ZNF518B: variants seen among roughly 807,000 people sequenced by gnomAD.
ZNF518B encodes the protein zinc finger protein 518B.
Under a neutral mutation model 56.3 loss-of-function variants are expected in ZNF518B, and 23 were observed. The ratio of observed to expected loss-of-function variants is 0.41; its 90% CI spans 0.29 to 0.58. The LOEUF (loss-of-function observed/expected upper bound fraction) is 0.58. Ranked by LOEUF, ZNF518B falls within the 20% of genes least tolerant of loss-of-function variation. The pLI is 0.32. For synonymous variants in ZNF518B, 529 were observed against 465.9 expected, an observed-to-expected ratio of 1.14 and a Z score of -1.74; for missense variants, 1,460 against 1,272.1, an observed-to-expected ratio of 1.15 and a Z score of -2.25.
Position 10,445,591 on chromosome 4 carries a change from G to T in ZNF518B, c.738C>A (p.Ser246=), listed in dbSNP as rs1259008166. 1 of 1,614,016 alleles carries T rather than the reference G, an allele frequency of 6.2e-7. No homozygotes were observed. The highest frequency in any genetic ancestry group is 2.2e-5 in the East Asian group (1 of 44,904). ...TATTTTGAAATGTAGTCCGTGGATT[G>T]GAAGCTTTTAGAAGCTCTGGGTTTT... ...SKQNPELLKA[S]NPRTTFQNKW... is the part of the protein sequence containing the mutation. Residue 246 remains serine (S), a synonymous_variant, in exon 3 of 3, where the codon TCC becomes TCA. Transcript: ENST00000326756.
rs1353937834 is a variant in ZNF518B at position 10,445,919 on chromosome 4, C to T, written c.410G>A (p.Cys137Tyr). Residue 137 changes from cysteine (C) to tyrosine (Y), a missense_variant, in exon 3 of 3, where the codon TGT (cysteine) becomes TAT (tyrosine). Transcript: ENST00000326756. ...CTTTGTAGAGAATCGACATTTATCA[C>T]AATAGTATTTGCCTGGCTTAAAGTT... ...VRNFKPGKYY[C>Y]DKCRFSTKDP... 30 of 1,614,112 alleles carry T rather than the reference C, an allele frequency of 1.9e-5. No homozygotes were observed. Among genetic ancestry groups the T allele is most frequent in the Non-Finnish European group, 2.4e-5 (28 of 1,180,058 alleles).
chr4:10,453,157 T>C (rs1054280399), intron 2 of ZNF518B: 1 of 152,248 alleles, frequency 6.6e-6, no homozygotes. Flanking sequence ...ACAGCTGATG[T>C]GAGGACAAAT....
chr4:10,456,950 G>A (rs1471162805), intron 1 of ZNF518B, among the ~76,000 whole-genome samples: 2 of 150,922 alleles, frequency 1.3e-5, no homozygotes, highest in Non-Finnish European at 3.0e-5. Flanking sequence ...CCCCGCCTCG[G>A]TCGCCCCGGC....
At chr4:10,451,151 C>G (rs1447757665) in intron 2 of ZNF518B, 1 of 152,010 alleles carries the variant, frequency 6.6e-6, no homozygotes, top group African/African-American at 2.4e-5. Context: ...GCTCACTTGC[C>G]CTGTTTTCTT....
rs1360281216 is a variant in ZNF518B at position 10,443,584 on chromosome 4, T to G, written c.2745A>C (p.Ser915=). ...TTAGTTGCCTTGCAACCTGAAAAAT[T>G]GAAGGATCCTTGAGACAGCGGCTAG... The part of the protein sequence containing the change: ...AEPSRCLKDP[S]IFQVARQLRL... The change falls in exon 3 of 3, where the codon TCA becomes TCC. Residue 915 remains serine (S), a synonymous_variant. Transcript: ENST00000326756. The G allele has an allele frequency of 6.2e-7, 1 of 1,614,200 alleles. No individual in the cohort carries two copies. Among genetic ancestry groups the G allele is most frequent in the South Asian group, 1.1e-5 (1 of 91,082 alleles).
At position 10,444,135 on chromosome 4, in the gene ZNF518B, C is replaced by G. The variant is rs200575164; in HGVS notation, c.2194G>C (p.Gly732Arg). ...GTAAGCTGTCTATTACCAGTAATACCACCATCATTCGGAGGTTTCTGAAGA... is the reference window on the plus strand; with the variant it reads ...GTAAGCTGTCTATTACCAGTAATACGACCATCATTCGGAGGTTTCTGAAGA... ...GTLQKPPNDG[G>R]ITGNRQLTHQ... Residue 732 changes from glycine to arginine, a missense_variant, in exon 3 of 3, where the codon GGT (glycine) becomes CGT (arginine). Physicochemically the swap from Gly to Arg is moderately radical, Grantham distance 125. Coordinates refer to ENST00000326756, the MANE Select transcript of ZNF518B (RefSeq NM_053042.3). The G allele has an allele frequency of 2.0e-4, 327 of 1,614,154 alleles. 1 individual carries two copies. In the East Asian group the frequency reaches 7.2e-3, roughly 36 times the overall value.
chr4:10,457,058 C>G (rs1178077472), intron 1 of ZNF518B: 2 of 149,012 alleles, frequency 1.3e-5, no homozygotes, highest in Non-Finnish European at 3.0e-5. Context: ...CTGCTCAACG[C>G]GCGCCAAGCC....
In ZNF518B at chr4:10,440,232, G is replaced by A. The variant is rs1327942912; in HGVS notation, c.*2872C>T. On this transcript the variant is annotated 3_prime_UTR_variant, in exon 3 of 3. Coordinates refer to ENST00000326756, the MANE Select transcript of ZNF518B (RefSeq NM_053042.3). Reference sequence around the variant, plus strand: ...TAATGAAGGCTTACAAGATGTTCTCGACTGGGGATACAAAATTGAATATAA... The same window carrying A: ...TAATGAAGGCTTACAAGATGTTCTCAACTGGGGATACAAAATTGAATATAA... 6 of 152,010 alleles carry A rather than the reference G, an allele frequency of 3.9e-5. No homozygotes were observed. The highest frequency in any genetic ancestry group is 7.3e-5 in the African/African-American group (3 of 41,338). The allele number at this position is 152,010 out of a possible 1,614,324, so 9.4% of individuals were successfully genotyped here.
chr4:10,459,176 T>C (rs563144492), upstream of ZNF518B, among the ~76,000 whole-genome samples: 12 of 152,306 alleles, frequency 7.9e-5, no homozygotes, highest in Admixed American at 1.3e-4. Flanking sequence ...TCAGGACTTA[T>C]CACAGTCCCT....
Position 10,443,911 on chromosome 4 carries a change from C to CT in ZNF518B, c.2417dup (p.Leu807ValfsTer23), listed in dbSNP as rs761843930. ...GGCAAAATGGAACTGGTTTTATTAA[C>CT]TGTCTTTCACTGCAAGGTATGCTGA... is the stretch of plus-strand genomic sequence containing the variant. On this transcript the variant is annotated frameshift_variant, in exon 3 of 3. Transcript: ENST00000326756. LOFTEE classifies it high-confidence loss of function. The CT allele has an allele frequency of 6.2e-7, 1 of 1,614,204 alleles. No homozygotes were observed. Among genetic ancestry groups the CT allele is most frequent in the Admixed American group, 1.7e-5 (1 of 60,022 alleles).
chr4:10,456,038 A>G (rs1222484645), intron 1 of ZNF518B, among the ~76,000 whole-genome samples: 1 of 152,200 alleles, frequency 6.6e-6, no homozygotes, highest in African/African-American at 2.4e-5. Flanking sequence ...TCTCTGCTCT[A>G]CTGTAGAAGA....
Position 10,445,015 on chromosome 4 carries a change from A to G in ZNF518B, c.1314T>C (p.Tyr438=), listed in dbSNP as rs143287891. 82 of 1,614,224 alleles carry G rather than the reference A, an allele frequency of 5.1e-5. 2 individuals carry two copies. Among genetic ancestry groups the G allele is most frequent in the African/African-American group, 3.3e-4 (25 of 75,068 alleles). ...CACTAGAATTTGGCATAATAAAATC[A>G]TAAGACCTTACCCATTTCACATTTT... is the stretch of plus-strand genomic sequence containing the variant. ...QLKNVKWVRS[Y]DFIMPNSSVH... is the part of the protein sequence containing the mutation. Residue 438 remains tyrosine, a synonymous_variant, in exon 3 of 3, where the codon TAT becomes TAC. Coordinates refer to ENST00000326756, the MANE Select transcript of ZNF518B (RefSeq NM_053042.3).
chr4:10,445,307 G>A lies in ZNF518B; in HGVS notation c.1022C>T (p.Ala341Val), dbSNP rs1714943080. ...VVAPAELVVPANCLAQLIDVK... is the reference protein window; with the variant it reads ...VVAPAELVVPVNCLAQLIDVK... ...ATCTATCAACTGGGCTAAACAGTTT[G>A]CAGGGACAACTAGTTCTGCTGGTGC... The change falls in exon 3 of 3, where the codon GCA (alanine) becomes GTA (valine). Residue 341 changes from alanine (A) to valine (V), a missense_variant. By Grantham distance (64) the Ala-to-Val change is moderately conservative (BLOSUM62 0). Coordinates refer to ENST00000326756, the MANE Select transcript of ZNF518B (RefSeq NM_053042.3). 1 of 1,614,164 alleles carries A rather than the reference G, an allele frequency of 6.2e-7. No individual in the cohort carries two copies. The highest frequency in any genetic ancestry group is 1.3e-5 in the African/African-American group (1 of 75,044).
chr4:10,445,588 A>G lies in ZNF518B; in HGVS notation c.741T>C (p.Asn247=). 1 of 1,614,148 alleles carries G rather than the reference A, an allele frequency of 6.2e-7. No homozygotes were observed. The highest frequency in any genetic ancestry group is 8.5e-7 in the Non-Finnish European group (1 of 1,180,036). The part of the protein sequence containing the change: ...KQNPELLKAS[N]PRTTFQNKWS... Reference sequence around the variant, plus strand: ...ACTTATTTTGAAATGTAGTCCGTGGATTGGAAGCTTTTAGAAGCTCTGGGT... The same window carrying G: ...ACTTATTTTGAAATGTAGTCCGTGGGTTGGAAGCTTTTAGAAGCTCTGGGT... Residue 247 remains asparagine (N), a synonymous_variant, in exon 3 of 3, where the codon AAT becomes AAC. Coordinates refer to ENST00000326756, the MANE Select transcript of ZNF518B (RefSeq NM_053042.3).
rs200050728 is a variant in ZNF518B at position 10,444,582 on chromosome 4, C to G, written c.1747G>C (p.Val583Leu). ...GAGGAAATCTGGCCTACAGTTGAAACTGCCTTGTGTTCCTCTGTCTGGTTA... is the reference window on the plus strand; with the variant it reads ...GAGGAAATCTGGCCTACAGTTGAAAGTGCCTTGTGTTCCTCTGTCTGGTTA... ...EDNQTEEHKAVSTVGQISSQH... is the reference protein window; with the variant it reads ...EDNQTEEHKALSTVGQISSQH... Residue 583 changes from valine (V) to leucine (L), a missense_variant, in exon 3 of 3, where the codon GTT (valine) becomes CTT (leucine). Coordinates refer to ENST00000326756, the MANE Select transcript of ZNF518B (RefSeq NM_053042.3). 3.1e-6 allele frequency: 5 copies of G among 1,614,150 alleles called. No individual in the cohort carries two copies. The African/African-American group carries it at 6.7e-5, about 22-fold the overall frequency.
At chr4:10,460,220 GCTTGAACC>G (rs369983472), upstream of ZNF518B, among the ~76,000 whole-genome samples, 3 of 127,766 alleles carry the variant, frequency 2.3e-5, no homozygotes, top group Admixed American at 8.2e-5. Context: ...CACGAGAATT[GCTTGAACC>G]CAAGAGACGG....
chr4:10,443,424 T>G lies in ZNF518B; in HGVS notation c.2905A>C (p.Asn969His). 1 of 1,614,230 alleles carries G rather than the reference T, an allele frequency of 6.2e-7. No homozygotes were observed. Among genetic ancestry groups the G allele is most frequent in the Non-Finnish European group, 8.5e-7 (1 of 1,180,040 alleles). ...TCTGATAAAACAACTTTGAGGACAT[T>G]GCCTTTGTATTTATTTATTACCTTC... The part of the protein sequence containing the change: ...VMKVINKYKG[N>H]VLKVVLSERT... The change falls in exon 3 of 3, where the codon AAT becomes CAT. Residue 969 changes from asparagine (N) to histidine (H), a missense_variant. Coordinates refer to ENST00000326756, the MANE Select transcript of ZNF518B (RefSeq NM_053042.3).
At position 10,444,294 on chromosome 4, in the gene ZNF518B, G is replaced by A; in HGVS notation, c.2035C>T (p.Pro679Ser). ...GCACTATTTGAAGCCAAAGATGACG[G>A]CTTCCCACAGGACTCAATTAACTGA... ...IAQLIESCGKPSSLASNSAHR... is the reference protein window; with the variant it reads ...IAQLIESCGKSSSLASNSAHR... Residue 679 changes from proline (P) to serine (S), a missense_variant, in exon 3 of 3, where the codon CCG becomes TCG. Physicochemically the swap from Pro to Ser is moderately conservative, Grantham distance 74 (BLOSUM62 -1). Transcript: ENST00000326756. The A allele has an allele frequency of 6.2e-7, 1 of 1,614,152 alleles. No individual in the cohort carries two copies. The highest frequency in any genetic ancestry group is 8.5e-7 in the Non-Finnish European group (1 of 1,180,022).
Position 10,444,736 on chromosome 4 carries a change from A to G in ZNF518B, c.1593T>C (p.Ala531=), listed in dbSNP as rs1714903260. 6.2e-7 allele frequency: 1 copy of G among 1,613,958 alleles called. No individual in the cohort carries two copies. The change falls in exon 3 of 3, where the codon GCT becomes GCC. Residue 531 remains alanine, a synonymous_variant. Coordinates refer to ENST00000326756, the MANE Select transcript of ZNF518B (RefSeq NM_053042.3). The stretch of plus-strand genomic sequence containing the variant: ...AGAAGGAACAGGTTGCAGGTGATGC[A>G]GCAAATGGGAGTAACTGCTGTGAGC... ...HSSSQQLLPF[A]ASPATCSFSG... is the part of the protein sequence containing the mutation.
Sources: allele counts gnomAD v4.1 joint callset (sites outside exome capture counted in the v4.1 genomes callset), GRCh38; gene constraint gnomAD v4.1.1; transcripts MANE v1.5; gene names NCBI Gene and HGNC (gene_info 2026-07-23, HGNC 2026-07-21).